The following PABPC1L variants were observed in gnomAD, a reference collection of about 807,000 sequenced individuals.
PABPC1L encodes the protein polyadenylate-binding protein 1-like.
A neutral mutation model predicts 66.6 loss-of-function variants in PABPC1L; 31 were observed. The ratio of observed to expected loss-of-function variants is 0.47; its 90% CI spans 0.35 to 0.63. The LOEUF (loss-of-function observed/expected upper bound fraction) is 0.63. Among genes scored for constraint, PABPC1L ranks in the 20% least tolerant of loss-of-function variants. PABPC1L has a pLI of 0.00. For missense variants in PABPC1L, 722 were observed against 848.8 expected (o/e 0.85, Z 1.86); for synonymous variants, 348 against 335.1 (o/e 1.04, Z -0.42).
chr20:44,912,751 G>A lies in PABPC1L; in HGVS notation c.285G>A (p.Lys95=). The A allele has an allele frequency of 1.2e-6, 2 of 1,614,206 alleles. No homozygotes were observed. The part of the protein sequence containing the change: ...MWSQRDPGLR[K]SGVGNIFIKN... ...CCCAGCGAGACCCAGGACTTCGCAA[G>A]TCAGGTGTGGGCAACATCTTCATCA... Residue 95 remains lysine (K), a synonymous_variant, in exon 2 of 15, where the codon AAG becomes AAA. Coordinates refer to ENST00000217073, the MANE Select transcript of PABPC1L (RefSeq NM_001372179.1).
intron 8 of PABPC1L, 103 bp from the exon 9 acceptor site, chr20:44,932,239 G>A (rs1392298840): frequency 1.2e-6 from 1 of 839,216 alleles, no homozygotes; most frequent in Non-Finnish European, 1.8e-6. Context: ...ACCAGTCCCT[G>A]CAGGAGCCAG....
At chr20:44,910,720 G>A (rs73294353) in intron 1 of PABPC1L, among the ~76,000 whole-genome samples, 2,084 of 152,282 alleles carry the variant, frequency 0.014, 40 homozygotes, top group African/African-American at 0.045. Context: ...TAGAGTGCTT[G>A]TGAGGATGAG....
At position 44,910,106 on chromosome 20, in the gene PABPC1L, G is replaced by A. The variant is rs979886540; in HGVS notation, c.-38G>A. ...GAGCGCGGGGCTGCTGGGTGACCCGGCTCCTGCTTGCCCCGCAGCCCCGGC... is the reference window on the plus strand; with the variant it reads ...GAGCGCGGGGCTGCTGGGTGACCCGACTCCTGCTTGCCCCGCAGCCCCGGC... On this transcript the variant is annotated 5_prime_UTR_variant, in exon 1 of 15. Coordinates refer to ENST00000217073, the MANE Select transcript of PABPC1L (RefSeq NM_001372179.1). 18 of 1,511,986 alleles carry A rather than the reference G, an allele frequency of 1.2e-5. No individual in the cohort carries two copies. The highest frequency in any genetic ancestry group is 1.6e-5 in the Non-Finnish European group (18 of 1,121,824). 93.7% of individuals were successfully genotyped at this position (1,511,986 alleles called of 1,614,324 possible). A position where few individuals can be genotyped will look rare whatever the true frequency, so the allele number is the denominator to read the frequency against.
chr20:44,917,922 A>G (rs971433954), intron 3 of PABPC1L, among the ~76,000 whole-genome samples: 5 of 152,190 alleles, frequency 3.3e-5, no homozygotes, highest in African/African-American at 1.2e-4. Flanking sequence ...GCCTGGTACA[A>G]CTTTGTTTGT....
chr20:44,924,176 G>A lies in PABPC1L; in HGVS notation c.892G>A (p.Val298Met). The A allele has an allele frequency of 6.2e-7, 1 of 1,613,824 alleles. No individual in the cohort carries two copies. Among genetic ancestry groups the A allele is most frequent in the Non-Finnish European group, 8.5e-7 (1 of 1,179,694 alleles). ...LRRYQGVNLY[V>M]KNLDDSIDDD... ...TCCATCCCAGGGTGTGAACTTGTAT[G>A]TGAAGAATCTGGACGACTCCATTGA... The change falls in exon 7 of 15, where the codon GTG becomes ATG. Residue 298 changes from valine to methionine, a missense_variant. This residue lies in a region of PABPC1L where 137 missense variants were observed against 216.8 expected (regional missense o/e 0.63). Coordinates refer to ENST00000217073, the MANE Select transcript of PABPC1L (RefSeq NM_001372179.1).
chr20:44,937,248 T>TA, intron 12 of PABPC1L: 1 of 316,674 alleles, frequency 3.2e-6, no homozygotes, highest in Non-Finnish European at 6.3e-6. Context: ...CAGGCCCTGA[T>TA]AAAAATGCCA....
chr20:44,933,843 G>A (rs926361875), intron 10 of PABPC1L, among the ~76,000 whole-genome samples: 9 of 142,722 alleles, frequency 6.3e-5, no homozygotes, highest in African/African-American at 2.1e-4. Context: ...CTCTGCCTCC[G>A]GGGTTCTAAG....
At chr20:44,921,537 C>T (rs1335038407) in intron 5 of PABPC1L, 57 bp from the exon 6 acceptor site, 1 of 1,593,018 alleles carries the variant, frequency 6.3e-7, no homozygotes, top group Non-Finnish European at 8.5e-7. Flanking sequence ...GAAGATGAGC[C>T]TGGGCCAGGG....
Position 44,910,140 on chromosome 20 carries a change from C to T in PABPC1L, c.-4C>T, listed in dbSNP as rs1374085299. The T allele has an allele frequency of 6.4e-7, 1 of 1,557,834 alleles. No individual in the cohort carries two copies. The highest frequency in any genetic ancestry group is 1.4e-5 in the African/African-American group (1 of 72,576). On this transcript the variant is annotated 5_prime_UTR_variant, in exon 1 of 15. Transcript: ENST00000217073. Reference sequence around the variant, plus strand: ...TGCCCCGCAGCCCCGGCCCCCTGCCCACCATGAACGCCAGCGGTTCTGGCT... The same window carrying T: ...TGCCCCGCAGCCCCGGCCCCCTGCCTACCATGAACGCCAGCGGTTCTGGCT...
intron 1 of PABPC1L, 63 bp from the exon 2 acceptor site, chr20:44,912,597 T>G (rs1601105428): frequency 7.1e-7 from 1 of 1,401,194 alleles, no homozygotes; most frequent in Non-Finnish European, 9.8e-7. Flanking sequence ...CCTCGAGGGG[T>G]GGGTGATCAA....
chr20:44,937,664 C>T (rs2066911793), intron 12 of PABPC1L, among the ~76,000 whole-genome samples: 1 of 152,232 alleles, frequency 6.6e-6, no homozygotes, highest in South Asian at 2.1e-4. Context: ...ATCCACCCAC[C>T]TCAGCCTCCC....
chr20:44,933,933 G>A (rs1253996603), intron 10 of PABPC1L, among the ~76,000 whole-genome samples: 1 of 151,658 alleles, frequency 6.6e-6, no homozygotes, highest in African/African-American at 2.4e-5. Context: ...TGTATTTTTA[G>A]TAGGGACAGG....
Position 44,938,723 on chromosome 20 carries a change from C to A in PABPC1L, c.1841C>A (p.Pro614Gln). ...CAGGCACACCAGGCTATGGAGCAGCCGAAGGCGTACATGCACTGAAACCAG... is the reference window on the plus strand; with the variant it reads ...CAGGCACACCAGGCTATGGAGCAGCAGAAGGCGTACATGCACTGAAACCAG... ...VLQAHQAMEQPKAYMH is the reference protein window; with the variant it reads ...VLQAHQAMEQQKAYMH Residue 614 changes from proline to glutamine, a missense_variant, in exon 14 of 15, where the codon CCG becomes CAG. Pro to Gln is a moderately conservative substitution (Grantham distance 76). Coordinates refer to ENST00000217073, the MANE Select transcript of PABPC1L (RefSeq NM_001372179.1). The A allele has an allele frequency of 6.2e-7, 1 of 1,611,746 alleles. No homozygotes were observed. The highest frequency in any genetic ancestry group is 1.1e-5 in the South Asian group (1 of 90,248).
At chr20:44,911,050 A>G (rs1332907834) in intron 1 of PABPC1L, among the ~76,000 whole-genome samples, 1 of 152,214 alleles carries the variant, frequency 6.6e-6, no homozygotes, top group East Asian at 1.9e-4. Context: ...GTATTCTCCA[A>G]TAACATAAAG....
At chr20:44,924,110 G>T in intron 6 of PABPC1L, 51 bp from the exon 7 acceptor site, 1 of 1,459,650 alleles carries the variant, frequency 6.9e-7, no homozygotes, top group Non-Finnish European at 9.6e-7. Context: ...CCCCAAGGCA[G>T]TTGGGGCTTG....
chr20:44,932,759 A>C (rs1227112684), intron 9 of PABPC1L: 2 of 496,630 alleles, frequency 4.0e-6, no homozygotes, highest in Non-Finnish European at 7.2e-6. Context: ...CCTCCTCTGT[A>C]AGAGTGAATT....
intron 5 of PABPC1L, among the ~76,000 whole-genome samples, chr20:44,920,167 C>T (rs73296533): frequency 0.012 from 1,830 of 152,260 alleles, 31 homozygotes; most frequent in African/African-American, 0.039. Flanking sequence ...TTAACACACA[C>T]AGTCCCAAGT....
intron 6 of PABPC1L, 61 bp from the exon 7 acceptor site, chr20:44,924,100 C>T: frequency 7.1e-7 from 1 of 1,398,614 alleles, no homozygotes; most frequent in Non-Finnish European, 1.0e-6. Flanking sequence ...TCCCTGATCT[C>T]CCCAAGGCAG....
chr20:44,913,887 T>C (rs902149770), intron 2 of PABPC1L, among the ~76,000 whole-genome samples: 1 of 152,228 alleles, frequency 6.6e-6, no homozygotes, highest in African/African-American at 2.4e-5. Flanking sequence ...GTTCCATCAG[T>C]GATCTTGTTC....
Sources: gnomAD v4.1 joint callset for allele counts (sites outside exome capture counted in the v4.1 genomes callset) on GRCh38, gnomAD v4.1.1 for gene constraint, gnomAD v4.1.1 regional missense constraint, MANE v1.5 for transcripts, NCBI Gene and HGNC (gene_info 2026-07-23, HGNC 2026-07-21) for gene names.